Variants in DRD2 observed in about 807,000 individuals in gnomAD.
DRD2 encodes D(2) dopamine receptor.
In DRD2, 8 loss-of-function variants were observed where a neutral mutation model predicts 38.0. The ratio of observed to expected loss-of-function variants is 0.21; its 90% CI spans 0.12 to 0.38. The LOEUF is 0.38. DRD2 is among the 10% of genes least tolerant of loss of function. The pLI, the probability that DRD2 is intolerant of heterozygous loss-of-function variation, is 1.00. For synonymous variants in DRD2, 230 were observed against 238.6 expected (o/e 0.96, Z 0.33); for missense variants, 403 against 607.7 (o/e 0.66, Z 3.54).
intron 1 of DRD2, among the ~76,000 whole-genome samples, chr11:113,427,567 G>C (rs1410323480): frequency 6.6e-6 from 1 of 152,120 alleles, no homozygotes; most frequent in Non-Finnish European, 1.5e-5. Context: ...CTTGACTCTG[G>C]TTTGTGGGCA....
chr11:113,431,281 C>T (rs1282830932), intron 1 of DRD2, among the ~76,000 whole-genome samples: 2 of 152,194 alleles, frequency 1.3e-5, no homozygotes, highest in Non-Finnish European at 2.9e-5. Context: ...GGGGTGGCTG[C>T]CTCTCCCCTA....
intron 1 of DRD2, among the ~76,000 whole-genome samples, chr11:113,437,548 G>T (rs1951050234): frequency 6.6e-6 from 1 of 152,222 alleles, no homozygotes; most frequent in Non-Finnish European, 1.5e-5. Context: ...AATTCTAAGT[G>T]ACTTAGGCAA....
intron 1 of DRD2, among the ~76,000 whole-genome samples, chr11:113,442,399 G>C (rs372313218): frequency 6.6e-6 from 1 of 152,196 alleles, no homozygotes; most frequent in Non-Finnish European, 1.5e-5. Context: ...AGCTACAAAG[G>C]CTGTGTCTGA....
intron 1 of DRD2, among the ~76,000 whole-genome samples, chr11:113,442,265 C>G (rs1327893554): frequency 1.3e-5 from 2 of 152,234 alleles, no homozygotes; most frequent in African/African-American, 4.8e-5. Flanking sequence ...GCCATCCTTA[C>G]AGCCCTGCAC....
At chr11:113,429,277 C>T (rs1013059719) in intron 1 of DRD2, among the ~76,000 whole-genome samples, 6 of 152,024 alleles carry the variant, frequency 3.9e-5, no homozygotes, top group Non-Finnish European at 8.8e-5. Flanking sequence ...TGGAGTCTTG[C>T]TCTGTCACCC....
At chr11:113,469,490 G>A (rs563835649) in intron 1 of DRD2, among the ~76,000 whole-genome samples, 1 of 152,112 alleles carries the variant, frequency 6.6e-6, no homozygotes, top group African/African-American at 2.4e-5. Flanking sequence ...GCCTTAAACA[G>A]TCTGGTTTTG....
Position 113,412,849 on chromosome 11 carries a change from T to C in DRD2, c.845A>G (p.Glu282Gly). 1 of 1,612,784 alleles carries C rather than the reference T, an allele frequency of 6.2e-7. No individual in the cohort carries two copies. Among genetic ancestry groups the C allele is most frequent in the Non-Finnish European group, 8.5e-7 (1 of 1,179,846 alleles). ...GGGTGGGCTGGTGCTGGAGAGCATCTCCATCTCCAGCTCCTGGGCTCGCCG... is the reference window on the plus strand; with the variant it reads ...GGGTGGGCTGGTGCTGGAGAGCATCCCCATCTCCAGCTCCTGGGCTCGCCG... ...AARRAQELEM[E>G]MLSSTSPPER... is the part of the protein sequence containing the mutation. Residue 282 changes from glutamate (E) to glycine (G), a missense_variant, in exon 7 of 8, where the codon GAG becomes GGG. Physicochemically the swap from Glu to Gly is moderately conservative, Grantham distance 98. Around this residue, in one of 4 missense-constraint regions of DRD2, gnomAD observed 166 missense variants for 178.6 expected, o/e 0.93. Coordinates refer to ENST00000362072, the MANE Select transcript of DRD2 (RefSeq NM_000795.4).
At chr11:113,458,019 G>A (rs1381432390) in intron 1 of DRD2, among the ~76,000 whole-genome samples, 1 of 152,268 alleles carries the variant, frequency 6.6e-6, no homozygotes, top group Non-Finnish European at 1.5e-5. Flanking sequence ...TGGTAGGGAA[G>A]CCAGACTGTT....
chr11:113,432,294 C>G (rs1270064674), intron 1 of DRD2, among the ~76,000 whole-genome samples: 2 of 11,256 alleles, frequency 1.8e-4, no homozygotes. Context: ...CTCTTTCTCT[C>G]TCTCTCTCTC....
chr11:113,410,928 A>G lies in DRD2; in HGVS notation c.1139-8T>C, dbSNP rs753229425. On this transcript the variant is annotated splice_region_variant and splice_polypyrimidine_tract_variant and intron_variant, in intron 7 of 7. Coordinates refer to ENST00000362072, the MANE Select transcript of DRD2 (RefSeq NM_000795.4). Reference sequence around the variant, plus strand: ...AGCAGATGATGAACACGCCTGGGGGAGAGGGCATGGTCAGGCTGGTCCCCA... The same window carrying G: ...AGCAGATGATGAACACGCCTGGGGGGGAGGGCATGGTCAGGCTGGTCCCCA... The G allele has an allele frequency of 2.5e-6, 4 of 1,606,768 alleles. No individual in the cohort carries two copies. The highest frequency in any genetic ancestry group is 2.7e-5 in the African/African-American group (2 of 74,798).
intron 1 of DRD2, among the ~76,000 whole-genome samples, chr11:113,461,293 G>T (rs1021508163): frequency 6.6e-6 from 1 of 152,204 alleles, no homozygotes; most frequent in Non-Finnish European, 1.5e-5. Flanking sequence ...GTTTCAGAGA[G>T]TGAGTCCCGC....
Position 113,419,070 on chromosome 11 carries a change from A to G in DRD2, c.286-934T>C, listed in dbSNP as rs181255058. 1.0e-3 allele frequency among the ~76,000 whole-genome samples: 159 copies of G among 152,310 alleles called. 1 individual carries two copies. Among genetic ancestry groups the G allele is most frequent in the African/African-American group, 3.6e-3 (150 of 41,572 alleles). ...GAGGAAACTGAGAACCAATGAGGAA[A>G]CCAAGCCTCCAAAAAGTGCAGTGAT... On this transcript the variant is annotated intron_variant, in intron 2 of 7. Transcript: ENST00000362072.
intron 1 of DRD2, among the ~76,000 whole-genome samples, chr11:113,460,387 G>C (rs1951306381): frequency 6.6e-6 from 1 of 152,258 alleles, no homozygotes. Flanking sequence ...GAGCCACAGA[G>C]AATCTGGGTT....
Position 113,415,469 on chromosome 11 carries a change from G to C in DRD2, c.675C>G (p.Thr225=). Residue 225 remains threonine, a synonymous_variant, in exon 5 of 8, where the codon ACC becomes ACG. Transcript: ENST00000362072. The part of the protein sequence containing the change: ...VLRRRRKRVN[T]KRSSRAFRAH... ...CCCTGAAAGCTCGGCTGCTGCGTTT[G>C]GTGTTGACTCGCTTGCGGCGTCTGC... is the stretch of plus-strand genomic sequence containing the variant. 6.2e-7 allele frequency: 1 copy of C among 1,614,138 alleles called. No individual in the cohort carries two copies. Among genetic ancestry groups the C allele is most frequent in the Non-Finnish European group, 8.5e-7 (1 of 1,180,012 alleles).
chr11:113,427,156 G>A lies in DRD2; in HGVS notation c.-31-2474C>T, dbSNP rs145355926. On this transcript the variant is annotated intron_variant, in intron 1 of 7. Transcript: ENST00000362072. ...TTTATCCTCAAAACAACCCTCGGAG[G>A]CTTTTAATTATTATCCCTGTCTATG... 2.2e-4 allele frequency among the ~76,000 whole-genome samples: 33 copies of A among 152,270 alleles called. No individual in the cohort carries two copies. The East Asian group carries it at 4.6e-3, about 21-fold the overall frequency.
intron 1 of DRD2, among the ~76,000 whole-genome samples, chr11:113,441,218 C>A (rs897850244): frequency 2.0e-5 from 3 of 152,154 alleles, no homozygotes; most frequent in African/African-American, 7.2e-5. Context: ...ATGGGCAGAC[C>A]ATAACATGGA....
chr11:113,438,437 G>T (rs564488375), intron 1 of DRD2, among the ~76,000 whole-genome samples: 2 of 152,148 alleles, frequency 1.3e-5, no homozygotes, highest in African/African-American at 2.4e-5. Context: ...AACAGCTGCC[G>T]GAAAGGAGCT....
chr11:113,450,115 C>G (rs1198835497), intron 1 of DRD2: 1 of 154,566 alleles, frequency 6.5e-6, no homozygotes, highest in Non-Finnish European at 1.5e-5. Context: ...GATCCTTAGT[C>G]TATTGTTGCC....
At chr11:113,442,610 T>C (rs1471346738) in intron 1 of DRD2, among the ~76,000 whole-genome samples, 2 of 152,184 alleles carry the variant, frequency 1.3e-5, no homozygotes, top group African/African-American at 4.8e-5. Context: ...ACAGCTCCTT[T>C]AGGTTCCTTT....
Sources: allele counts gnomAD v4.1 joint callset (sites outside exome capture counted in the v4.1 genomes callset), GRCh38; gene constraint gnomAD v4.1.1; regional missense constraint gnomAD v4.1.1; transcripts MANE v1.5; gene names NCBI Gene and HGNC (gene_info 2026-07-23, HGNC 2026-07-21).